Variants in PTPN4 observed in about 807,000 individuals in gnomAD.
The protein encoded by PTPN4 is protein tyrosine phosphatase non-receptor type 4.
Under a neutral mutation model 135.5 loss-of-function variants are expected in PTPN4, and 49 were observed. That is an observed-to-expected ratio of 0.36 (90% CI 0.29 to 0.46). PTPN4 has a LOEUF of 0.46. Among genes scored for constraint, PTPN4 ranks in the 20% least tolerant of loss-of-function variants. The pLI is 1.00. For synonymous variants in PTPN4, 333 were observed against 369.9 expected, an observed-to-expected ratio of 0.90 and a Z score of 1.14; for missense variants, 860 against 1,101.0, an observed-to-expected ratio of 0.78 and a Z score of 3.10.
At chr2:119,881,493 A>G (rs953377317) in intron 5 of PTPN4, among the ~76,000 whole-genome samples, 1 of 152,198 alleles carries the variant, frequency 6.6e-6, no homozygotes, top group African/African-American at 2.4e-5. Flanking sequence ...CCAACCCTCA[A>G]GAGTATTTCT....
intron 18 of PTPN4, among the ~76,000 whole-genome samples, chr2:119,947,789 C>CACACACACAT (rs570791192): frequency 5.9e-5 from 9 of 151,842 alleles, no homozygotes; most frequent in Middle Eastern, 3.4e-3. Context: ...CACACACACA[C>CACACACACAT]ACATCAGATT....
chr2:119,968,767 G>C (rs1312557234), intron 26 of PTPN4, among the ~76,000 whole-genome samples: 3 of 152,176 alleles, frequency 2.0e-5, no homozygotes. Context: ...ACTCCAGCCT[G>C]GGTGACAGAG....
intron 2 of PTPN4, among the ~76,000 whole-genome samples, chr2:119,824,045 C>T (rs531919889): frequency 6.6e-6 from 1 of 152,326 alleles, no homozygotes; most frequent in Non-Finnish European, 1.5e-5. Flanking sequence ...CGCTAGACTT[C>T]CTGTTTCCCC....
At chr2:119,918,766 C>T (rs1558763971) in intron 11 of PTPN4, among the ~76,000 whole-genome samples, 2 of 152,174 alleles carry the variant, frequency 1.3e-5, no homozygotes, top group Admixed American at 1.3e-4. Context: ...CATATGTGTA[C>T]ACCAGAGAAC....
At chr2:119,881,947 A>G (rs981832760) in intron 6 of PTPN4, 117 bp downstream of exon 6, 3 of 1,035,286 alleles carry the variant, frequency 2.9e-6, no homozygotes, top group Non-Finnish European at 4.4e-6. Flanking sequence ...GGTTACATGT[A>G]GTGTGAATTC....
At chr2:119,853,425 A>T (rs1451501701) in intron 2 of PTPN4, among the ~76,000 whole-genome samples, 1 of 151,806 alleles carries the variant, frequency 6.6e-6, no homozygotes, top group Non-Finnish European at 1.5e-5. Flanking sequence ...AGTGTCTTTG[A>T]GAGTAGTGTC....
chr2:119,876,006 A>G (rs1412006389), intron 3 of PTPN4, among the ~76,000 whole-genome samples: 1 of 152,178 alleles, frequency 6.6e-6, no homozygotes, highest in Non-Finnish European at 1.5e-5. Context: ...GCTGAGACTT[A>G]CGGATAATGA....
intron 1 of PTPN4, among the ~76,000 whole-genome samples, chr2:119,792,531 AT>A (rs1399459648): frequency 6.6e-6 from 1 of 152,224 alleles, no homozygotes; most frequent in East Asian, 1.9e-4. Flanking sequence ...CAATATTAAA[AT>A]TTTTAATTTG....
chr2:119,841,039 G>A (rs1485668759), intron 2 of PTPN4, among the ~76,000 whole-genome samples: 1 of 151,828 alleles, frequency 6.6e-6, no homozygotes, highest in African/African-American at 2.4e-5. Context: ...TACTCTGATA[G>A]GCTTTTTTCT....
At chr2:119,783,550 G>A (rs1309166473) in intron 1 of PTPN4, among the ~76,000 whole-genome samples, 1 of 152,172 alleles carries the variant, frequency 6.6e-6, no homozygotes, top group Non-Finnish European at 1.5e-5. Flanking sequence ...TGCTTCTGTG[G>A]TTGACTTTGA....
At chr2:119,858,968 T>A (rs577989882) in intron 2 of PTPN4, among the ~76,000 whole-genome samples, 1 of 152,224 alleles carries the variant, frequency 6.6e-6, no homozygotes, top group East Asian at 1.9e-4. Flanking sequence ...TAATTTCTAT[T>A]GCTTTTTCTT....
At chr2:119,800,171 C>T (rs1691336619) in intron 1 of PTPN4, among the ~76,000 whole-genome samples, 2 of 152,262 alleles carry the variant, frequency 1.3e-5, no homozygotes, top group East Asian at 1.9e-4. Flanking sequence ...CATTCCTCTA[C>T]CTCCCACTTG....
At chr2:119,855,871 T>G (rs1160652988) in intron 2 of PTPN4, among the ~76,000 whole-genome samples, 1 of 152,152 alleles carries the variant, frequency 6.6e-6, no homozygotes, top group African/African-American at 2.4e-5. Flanking sequence ...TGGCGCGATC[T>G]CAGCTTACTG....
intron 10 of PTPN4, among the ~76,000 whole-genome samples, chr2:119,909,075 T>C (rs910508060): frequency 1.3e-5 from 2 of 152,158 alleles, no homozygotes; most frequent in African/African-American, 4.8e-5. Context: ...AAAGAGGTCA[T>C]CTCCATACAT....
chr2:119,968,073 A>T (rs1463254426), intron 26 of PTPN4, 101 bp downstream of exon 26: 2 of 1,037,220 alleles, frequency 1.9e-6, no homozygotes, highest in Non-Finnish European at 2.6e-6. Context: ...TTATCTTTTC[A>T]ATTCCTTGCC....
In PTPN4 at chr2:119,945,026, A is replaced by T. The variant is rs368591878; in HGVS notation, c.1356-55A>T. ...ACATTGTAAATATGTGGGTTGCTTG[A>T]CCCTAACTTTTAAAAAAGTTATGAA... On this transcript the variant is annotated intron_variant, in intron 15 of 26. Transcript: ENST00000263708. 96 of 1,503,766 alleles carry T rather than the reference A, an allele frequency of 6.4e-5. No homozygotes were observed. The African/African-American group carries it at 1.2e-3, about 20-fold the overall frequency. 93.2% of individuals were successfully genotyped at this position (1,503,766 alleles called of 1,614,324 possible).
chr2:119,877,679 T>C (rs1678005332), intron 5 of PTPN4, 137 bp downstream of exon 5: 5 of 1,202,820 alleles, frequency 4.2e-6, no homozygotes, highest in Non-Finnish European at 5.6e-6. Context: ...GTTATGGCTA[T>C]TCCAAGATAA....
chr2:119,955,078 A>G, intron 19 of PTPN4, 79 bp from the exon 20 acceptor site: 2 of 1,253,860 alleles, frequency 1.6e-6, no homozygotes, highest in Admixed American at 2.2e-5. Context: ...AACATTATAC[A>G]GTGTATCTGG....
intron 18 of PTPN4, among the ~76,000 whole-genome samples, chr2:119,951,029 C>T (rs2105051537): frequency 6.6e-6 from 1 of 152,224 alleles, no homozygotes; most frequent in South Asian, 2.1e-4. Flanking sequence ...ATTAGAAACA[C>T]TGAGAATTTA....
Sources: gnomAD v4.1 joint callset for allele counts (sites outside exome capture counted in the v4.1 genomes callset) on GRCh38, gnomAD v4.1.1 for gene constraint, MANE v1.5 for transcripts, NCBI Gene and HGNC (gene_info 2026-07-23, HGNC 2026-07-21) for gene names.